Variants in RBL1 observed in about 807,000 individuals in gnomAD.
The protein encoded by RBL1 is RB transcriptional corepressor like 1.
In RBL1, 82 loss-of-function variants were observed where a neutral mutation model predicts 123.0. The observed-to-expected ratio is 0.67, with a 90% CI of 0.56 to 0.80. The LOEUF (loss-of-function observed/expected upper bound fraction) is 0.80, where lower values mean the gene tolerates loss of function less well. Among genes scored for constraint, RBL1 ranks in the 30% least tolerant of loss-of-function variants. The pLI is 0.00. For synonymous variants in RBL1, 405 were observed against 441.3 expected (o/e 0.92, Z 1.03); for missense variants, 1,171 against 1,299.6 (o/e 0.90, Z 1.52).
chr20:37,061,472 C>T, intron 8 of RBL1, among the ~76,000 whole-genome samples: 2 of 151,936 alleles, frequency 1.3e-5, no homozygotes, highest in South Asian at 2.1e-4. Context: ...ATCTTCACAC[C>T]ACTGATTTGA....
chr20:37,040,276 G>T lies in RBL1; in HGVS notation c.1780C>A (p.Pro594Thr). 6.2e-7 allele frequency: 1 copy of T among 1,613,646 alleles called. No homozygotes were observed. The highest frequency in any genetic ancestry group is 8.5e-7 in the Non-Finnish European group (1 of 1,179,796). The change falls in exon 14 of 22, where the codon CCA becomes ACA. Residue 594 changes from proline to threonine, a missense_variant. Pro to Thr is a conservative substitution (Grantham distance 38, BLOSUM62 -1). Transcript: ENST00000373664. The part of the protein sequence containing the change: ...KVPTCEEVIF[P>T]NNFETGNGGN... ...CCATTTCCTGTTTCAAAGTTATTTG[G>T]GAATATAACCTGTAGAAAACAAAAA...
chr20:37,042,598 CATCA>C (rs2064746684), intron 13 of RBL1, among the ~76,000 whole-genome samples: 1 of 151,966 alleles, frequency 6.6e-6, no homozygotes, highest in Non-Finnish European at 1.5e-5. Flanking sequence ...TTCATAGCAG[CATCA>C]ATCATAATAG....
chr20:37,007,771 A>G lies in RBL1; in HGVS notation c.2723-212T>C, dbSNP rs199566256. Among the ~76,000 whole-genome samples, 4 of 151,986 alleles carry G rather than the reference A, an allele frequency of 2.6e-5. No homozygotes were observed. In the East Asian group the frequency reaches 7.8e-4, roughly 29 times the overall value. Reference sequence around the variant, plus strand: ...CCATGCCTGGCTATTTTTTATTTTTAGTAGAGACGGGGTTTTGCCATGTTG... The same window carrying G: ...CCATGCCTGGCTATTTTTTATTTTTGGTAGAGACGGGGTTTTGCCATGTTG... On this transcript the variant is annotated intron_variant, in intron 19 of 21. Coordinates refer to ENST00000373664, the MANE Select transcript of RBL1 (RefSeq NM_002895.5).
At chr20:37,078,353 T>C (rs1456005088) in intron 2 of RBL1, among the ~76,000 whole-genome samples, 3 of 152,254 alleles carry the variant, frequency 2.0e-5, no homozygotes, top group Non-Finnish European at 2.9e-5. Context: ...CCATTGATGA[T>C]CTTTGACTGT....
intron 14 of RBL1, among the ~76,000 whole-genome samples, chr20:37,038,650 T>TGG (rs2064670763): frequency 7.0e-6 from 1 of 143,188 alleles, no homozygotes; most frequent in African/African-American, 2.6e-5. Context: ...TCCGCCAGGC[T>TGG]GGGGTCCAGT....
chr20:37,051,883 C>T (rs1013774258), intron 11 of RBL1, among the ~76,000 whole-genome samples: 2 of 151,370 alleles, frequency 1.3e-5, no homozygotes, highest in Non-Finnish European at 2.9e-5. Flanking sequence ...ATAAGAAATT[C>T]ACTTCAAAGG....
At chr20:37,030,854 CAAAAAAAA>C (rs111256421) in intron 16 of RBL1, among the ~76,000 whole-genome samples, 1 of 101,902 alleles carries the variant, frequency 9.8e-6, no homozygotes, top group Non-Finnish European at 2.0e-5. Flanking sequence ...GACTCTGTCT[CAAAAAAAA>C]AAAAAACAAA....
intron 1 of RBL1, among the ~76,000 whole-genome samples, chr20:37,094,231 C>T (rs1300693624): frequency 3.3e-5 from 5 of 152,120 alleles, no homozygotes; most frequent in Non-Finnish European, 7.4e-5. Flanking sequence ...CAAGAGAGAC[C>T]AAATCAGACC....
At position 37,032,614 on chromosome 20, in the gene RBL1, T is replaced by C. The variant is rs2064531094; in HGVS notation, c.2382+51A>G. The C allele has an allele frequency of 1.9e-6, 3 of 1,598,266 alleles. No individual in the cohort carries two copies. In the East Asian group the frequency reaches 6.7e-5, roughly 36 times the overall value. ...CAAAGTCTGTCTCTGTTACTCAATC[T>C]TTCTTCCATTGATTAAACAAATTCT... On this transcript the variant is annotated intron_variant, in intron 16 of 21. Coordinates refer to ENST00000373664, the MANE Select transcript of RBL1 (RefSeq NM_002895.5).
chr20:37,038,425 C>G (rs530270679), intron 14 of RBL1, among the ~76,000 whole-genome samples: 1 of 141,968 alleles, frequency 7.0e-6, no homozygotes, highest in African/African-American at 2.6e-5. Flanking sequence ...CTCAGCCTCC[C>G]GAGTAGCTGG....
intron 6 of RBL1, among the ~76,000 whole-genome samples, chr20:37,065,771 G>A (rs1306801243): frequency 6.6e-6 from 1 of 151,690 alleles, no homozygotes; most frequent in Non-Finnish European, 1.5e-5. Context: ...GCACCACCAT[G>A]CCCAACTAAT....
intron 19 of RBL1, among the ~76,000 whole-genome samples, chr20:37,014,800 C>T (rs764018123): frequency 2.8e-4 from 43 of 152,056 alleles, no homozygotes; most frequent in Non-Finnish European, 4.3e-4. Flanking sequence ...CAGTGGCTGA[C>T]GCCTGTAATC....
chr20:37,069,436 C>G (rs532620516), intron 2 of RBL1, among the ~76,000 whole-genome samples: 2 of 151,694 alleles, frequency 1.3e-5, no homozygotes, highest in Admixed American at 1.3e-4. Context: ...AAGTGAGGAG[C>G]GTCTCTGCCC....
chr20:37,048,484 A>C (rs865885456), intron 11 of RBL1, among the ~76,000 whole-genome samples: 22 of 152,278 alleles, frequency 1.4e-4, no homozygotes, highest in South Asian at 4.1e-4. Context: ...CTGATCCACA[A>C]CACCAACAGC....
At chr20:37,034,931 T>G (rs143374126) in intron 15 of RBL1, among the ~76,000 whole-genome samples, 189 of 152,092 alleles carry the variant, frequency 1.2e-3, no homozygotes, top group African/African-American at 4.4e-3. Context: ...ACTATGGGCA[T>G]TGGGTAATGT....
At chr20:37,045,209 C>T (rs1000989135) in intron 12 of RBL1, among the ~76,000 whole-genome samples, 1 of 151,804 alleles carries the variant, frequency 6.6e-6, no homozygotes, top group Non-Finnish European at 1.5e-5. Flanking sequence ...CAGGTTCAAG[C>T]GATTCTCCTG....
At chr20:37,044,361 G>A (rs1376207405) in intron 12 of RBL1, 111 bp from the exon 13 acceptor site, 8 of 1,091,452 alleles carry the variant, frequency 7.3e-6, no homozygotes, top group Middle Eastern at 3.1e-4. Flanking sequence ...TTTTTGAGAC[G>A]GAGTTTCCCT....
At position 37,056,344 on chromosome 20, in the gene RBL1, T is replaced by C. The variant is rs913022745; in HGVS notation, c.1251-86A>G. The C allele has an allele frequency of 1.3e-5, 17 of 1,288,428 alleles. No individual in the cohort carries two copies. The African/African-American group carries it at 2.1e-4, about 16-fold the overall frequency. The allele number at this position is 1,288,428 out of a possible 1,614,324, so 79.8% of individuals were successfully genotyped here. ...TCCACACCAGAATACTAACATGCCT[T>C]CTTCTTCTTTTTTTTTTTTTTTTTT... On this transcript the variant is annotated intron_variant, in intron 9 of 21. Coordinates refer to ENST00000373664, the MANE Select transcript of RBL1 (RefSeq NM_002895.5).
intron 21 of RBL1, among the ~76,000 whole-genome samples, chr20:37,000,243 C>T (rs1364630963): frequency 6.9e-6 from 1 of 145,710 alleles, no homozygotes; most frequent in Non-Finnish European, 1.5e-5. Context: ...AAGTGAGGAG[C>T]CCCTCCGCCC....
Sources: allele counts gnomAD v4.1 joint callset (sites outside exome capture counted in the v4.1 genomes callset), GRCh38; gene constraint gnomAD v4.1.1; transcripts MANE v1.5; gene names NCBI Gene and HGNC (gene_info 2026-07-23, HGNC 2026-07-21).